GLRB: variants seen among roughly 807,000 people sequenced by gnomAD.
GLRB encodes the protein glycine receptor beta.
Under a neutral mutation model 54.2 loss-of-function variants are expected in GLRB, and 33 were observed. The observed-to-expected ratio is 0.61, with a 90% confidence interval of 0.46 to 0.81. GLRB has a LOEUF of 0.81. GLRB is among the 40% of genes least tolerant of loss of function. The pLI, the probability that GLRB is intolerant of heterozygous loss-of-function variation, is 0.00. For synonymous variants in GLRB, 209 were observed against 208.2 expected, an observed-to-expected ratio of 1.00 and a Z score of -0.03; for missense variants, 572 against 584.6, an observed-to-expected ratio of 0.98 and a Z score of 0.22.
intron 2 of GLRB, among the ~76,000 whole-genome samples, chr4:157,108,700 G>T (rs1363753429): frequency 6.6e-6 from 1 of 152,024 alleles, no homozygotes; most frequent in African/African-American, 2.4e-5. Flanking sequence ...ACAGGATTTT[G>T]ATTATTACAT....
At chr4:157,130,128 A>G (rs1736159608) in intron 4 of GLRB, among the ~76,000 whole-genome samples, 1 of 151,654 alleles carries the variant, frequency 6.6e-6, no homozygotes, top group Admixed American at 6.6e-5. Flanking sequence ...TGAGTGTATG[A>G]TTATTATCCC....
In GLRB at chr4:157,136,716, A is replaced by G. The variant is rs369385147; in HGVS notation, c.527+18A>G. 6 of 1,526,332 alleles carry G rather than the reference A, an allele frequency of 3.9e-6. No homozygotes were observed. The highest frequency in any genetic ancestry group is 2.3e-5 in the East Asian group (1 of 44,404). The allele number at this position is 1,526,332 out of a possible 1,614,324, so 94.5% of individuals were successfully genotyped here. ...AGCATGAGGTACTCTTTTATATTTC[A>G]TATTTGTGCATTTATATTTTCCTTC... On this transcript the variant is annotated intron_variant, in intron 5 of 9. Transcript: ENST00000264428.
intron 4 of GLRB, among the ~76,000 whole-genome samples, chr4:157,132,586 C>A (rs1199234228): frequency 6.6e-6 from 1 of 151,768 alleles, no homozygotes; most frequent in Non-Finnish European, 1.5e-5. Context: ...ATTCTCTCAA[C>A]AAGTATTGCT....
At chr4:157,158,846 T>C (rs1168912993) in intron 9 of GLRB, among the ~76,000 whole-genome samples, 2 of 152,130 alleles carry the variant, frequency 1.3e-5, no homozygotes, top group African/African-American at 4.8e-5. Flanking sequence ...AACTTTAAAG[T>C]AGTTTTTTCC....
chr4:157,120,684 G>T, intron 3 of GLRB, 22 bp downstream of exon 3: 1 of 1,108,504 alleles, frequency 9.0e-7, no homozygotes, highest in Non-Finnish European at 1.4e-6. Context: ...CCATATAAAT[G>T]TTCATTTTTA....
chr4:157,142,840 G>A (rs943866600), intron 7 of GLRB, among the ~76,000 whole-genome samples: 4 of 151,920 alleles, frequency 2.6e-5, no homozygotes, highest in Non-Finnish European at 4.4e-5. Flanking sequence ...TTGTAAAATG[G>A]CAAATGACAT....
chr4:157,084,559 G>T (rs1734338014), intron 2 of GLRB: 1 of 455,636 alleles, frequency 2.2e-6, no homozygotes, highest in South Asian at 1.6e-5. Context: ...TTCTGTGTGT[G>T]TGTTGAGAAA....
intron 2 of GLRB, among the ~76,000 whole-genome samples, chr4:157,097,450 T>C (rs188425290): frequency 9.8e-4 from 149 of 152,332 alleles, no homozygotes; most frequent in African/African-American, 3.3e-3. Flanking sequence ...AATTGAACTA[T>C]TATTCTTGCA....
At chr4:157,149,348 G>A (rs1736933989) in intron 8 of GLRB, among the ~76,000 whole-genome samples, 1 of 152,002 alleles carries the variant, frequency 6.6e-6, no homozygotes, top group Non-Finnish European at 1.5e-5. Flanking sequence ...TTTTAGGTAA[G>A]GACTTTTGTC....
intron 2 of GLRB, among the ~76,000 whole-genome samples, chr4:157,081,556 C>G (rs1254337253): frequency 6.6e-6 from 1 of 152,176 alleles, no homozygotes; most frequent in Non-Finnish European, 1.5e-5. Context: ...TTCATTCATA[C>G]TACAATCCTG....
Position 157,152,702 on chromosome 4 carries a change from C to T in GLRB, c.905-16C>T, listed in dbSNP as rs773097687. ...GGGATAAAAAGCAACTTTCATTCCT[C>T]TTTCTGTTTCTGTAGGTATCTTCTC... On this transcript the variant is annotated splice_polypyrimidine_tract_variant and intron_variant, in intron 8 of 9. Coordinates refer to ENST00000264428, the MANE Select transcript of GLRB (RefSeq NM_000824.5). 5 of 1,609,588 alleles carry T rather than the reference C, an allele frequency of 3.1e-6. No individual in the cohort carries two copies. Among genetic ancestry groups the T allele is most frequent in the South Asian group, 1.1e-5 (1 of 90,962 alleles).
chr4:157,090,036 C>A (rs1324241405), intron 2 of GLRB, among the ~76,000 whole-genome samples: 3 of 152,136 alleles, frequency 2.0e-5, no homozygotes, highest in African/African-American at 4.8e-5. Flanking sequence ...AGGCCATAGT[C>A]ATGTCACCTT....
intron 6 of GLRB, 132 bp downstream of exon 6, chr4:157,137,018 A>C (rs1736429434): frequency 6.2e-6 from 4 of 648,444 alleles, no homozygotes; most frequent in Non-Finnish European, 5.5e-6. Context: ...AAAATAATTT[A>C]TTTAGGGAAA....
Position 157,152,790 on chromosome 4 carries a change from T to C in GLRB, c.977T>C (p.Val326Ala). ...GCTGAGCTTCCCAAAGTTTCCTATG[T>C]GAAGGCTCTTGATGTTTGGCTTATT... ...LAAELPKVSY[V>A]KALDVWLIAC... Residue 326 changes from valine (V) to alanine (A), a missense_variant, in exon 9 of 10, where the codon GTG becomes GCG. Transcript: ENST00000264428. 3 of 1,613,628 alleles carry C rather than the reference T, an allele frequency of 1.9e-6. No homozygotes were observed. Among genetic ancestry groups the C allele is most frequent in the Non-Finnish European group, 2.5e-6 (3 of 1,179,580 alleles).
chr4:157,089,730 C>T (rs997466730), intron 2 of GLRB, among the ~76,000 whole-genome samples: 1 of 152,170 alleles, frequency 6.6e-6, no homozygotes, highest in Non-Finnish European at 1.5e-5. Context: ...CTATTGGTAT[C>T]TATGATTGCT....
chr4:157,121,829 A>G (rs758392429), intron 3 of GLRB, among the ~76,000 whole-genome samples: 10 of 151,734 alleles, frequency 6.6e-5, no homozygotes, highest in Non-Finnish European at 4.4e-5. Context: ...TGACTCTGCT[A>G]TGTGTCCAAT....
At chr4:157,095,955 A>G (rs1484710282) in intron 2 of GLRB, among the ~76,000 whole-genome samples, 1 of 152,182 alleles carries the variant, frequency 6.6e-6, no homozygotes, top group Non-Finnish European at 1.5e-5. Context: ...AGCTCACAAC[A>G]TAGGAACTTT....
At chr4:157,131,211 A>G (rs1181964770) in intron 4 of GLRB, among the ~76,000 whole-genome samples, 1 of 151,750 alleles carries the variant, frequency 6.6e-6, no homozygotes, top group African/African-American at 2.4e-5. Flanking sequence ...GAAAGAACAA[A>G]CAATATTTTT....
chr4:157,082,213 A>G (rs12640325), intron 2 of GLRB, among the ~76,000 whole-genome samples: 25,736 of 152,026 alleles, frequency 0.17, 2,284 homozygotes, highest in East Asian at 0.28. Flanking sequence ...ATGACCTCAA[A>G]CTTAACTCAG....
Sources: gnomAD v4.1 joint callset for allele counts (sites outside exome capture counted in the v4.1 genomes callset) on GRCh38, gnomAD v4.1.1 for gene constraint, MANE v1.5 for transcripts, NCBI Gene and HGNC (gene_info 2026-07-23, HGNC 2026-07-21) for gene names.